C2orf66: variants seen among roughly 807,000 people sequenced by gnomAD.
The protein encoded by C2orf66 is uncharacterized protein C2orf66.
Under a neutral mutation model 7.0 loss-of-function variants are expected in C2orf66, and 6 were observed. The observed-to-expected ratio is 0.86, with a 90% CI of 0.47 to 1.69. The LOEUF (loss-of-function observed/expected upper bound fraction) is 1.69, where lower values mean the gene tolerates loss of function less well. Ranked by LOEUF, C2orf66 falls within the 40% of genes most tolerant of loss-of-function variation. C2orf66 has a pLI of 0.01. For synonymous variants in C2orf66, 38 were observed against 43.8 expected, an observed-to-expected ratio of 0.87 and a Z score of 0.52; for missense variants, 107 against 112.0, an observed-to-expected ratio of 0.96 and a Z score of 0.20.
upstream of C2orf66, chr2:196,810,060 A>G (rs1318810614): frequency 6.6e-6 from 1 of 152,228 alleles, no homozygotes; most frequent in Non-Finnish European, 1.5e-5. Flanking sequence ...TTTTTCATCC[A>G]GAACACAAAG....
chr2:196,831,649 C>A, the C2orf66 span, among the ~76,000 whole-genome samples: 2 of 152,148 alleles, frequency 1.3e-5, no homozygotes, highest in Non-Finnish European at 2.9e-5. Context: ...GAAAGTGAGA[C>A]TTTTAATAAT....
At chr2:196,811,272 A>G (rs563742400), upstream of C2orf66, among the ~76,000 whole-genome samples, 36 of 152,380 alleles carry the variant, frequency 2.4e-4, 1 homozygote, top group South Asian at 7.5e-3. Flanking sequence ...GGTTTTAGGC[A>G]TCAAAGAAGC....
upstream of C2orf66, among the ~76,000 whole-genome samples, chr2:196,811,776 G>A (rs1388829948): frequency 1.3e-5 from 2 of 152,076 alleles, no homozygotes; most frequent in Non-Finnish European, 2.9e-5. Context: ...AAGTGAATGA[G>A]ATTACCTCAG....
chr2:196,822,612 G>A, the C2orf66 span, among the ~76,000 whole-genome samples: 1 of 151,934 alleles, frequency 6.6e-6, no homozygotes, highest in Non-Finnish European at 1.5e-5. Flanking sequence ...AGTAACTGGT[G>A]TATGTGCACA....
chr2:196,809,490 C>CT (rs1327289914), upstream of C2orf66: 10 of 1,092,700 alleles, frequency 9.2e-6, no homozygotes, highest in Non-Finnish European at 1.2e-5. Context: ...TTACAGCCAT[C>CT]TTTTTTCCAG....
At chr2:196,816,336 C>G in the C2orf66 span, among the ~76,000 whole-genome samples, 1 of 152,222 alleles carries the variant, frequency 6.6e-6, no homozygotes, top group Non-Finnish European at 1.5e-5. Context: ...TAAAAACACA[C>G]ATGACATTCT....
the C2orf66 span, among the ~76,000 whole-genome samples, chr2:196,820,521 G>C: frequency 6.6e-6 from 1 of 152,206 alleles, no homozygotes; most frequent in Admixed American, 6.5e-5. Context: ...CATACTATGT[G>C]TCAGGGCCTC....
At chr2:196,809,595 T>C (rs1008527526), upstream of C2orf66, 1 of 408,540 alleles carries the variant, frequency 2.4e-6, no homozygotes, top group Admixed American at 3.9e-5. Context: ...AAAACAATTA[T>C]GGAACATAAC....
At chr2:196,813,955 C>T (rs936212906), upstream of C2orf66, among the ~76,000 whole-genome samples, 11 of 152,232 alleles carry the variant, frequency 7.2e-5, no homozygotes, top group African/African-American at 2.4e-4. Context: ...GAAATAGGAG[C>T]GCTTTTACAC....
chr2:196,828,566 C>T, the C2orf66 span, among the ~76,000 whole-genome samples: 2 of 152,140 alleles, frequency 1.3e-5, no homozygotes, highest in Non-Finnish European at 1.5e-5. Context: ...GTTTACCTTA[C>T]ATAATACAAA....
rs76491536 is a variant in C2orf66, at chr2:196,807,620, A to G, written c.126T>C (p.Phe42=). The change falls in exon 2 of 3, where the codon TTT becomes TTC. Residue 42 remains phenylalanine, a splice_region_variant and synonymous_variant. Coordinates refer to ENST00000342506, the MANE Select transcript of C2orf66 (RefSeq NM_213608.3). The part of the protein sequence containing the change: ...PLNNPRNRDL[F]FRRLQAYFKG... ...TAAAATATGCCTGAAGCCTTCTGAA[A>G]AACTAAAGAGAGAAAGAAAATGGTC... is the stretch of plus-strand genomic sequence containing the variant. 1 of 1,604,962 alleles carries G rather than the reference A, an allele frequency of 6.2e-7. No homozygotes were observed. The highest frequency in any genetic ancestry group is 1.3e-5 in the African/African-American group (1 of 74,360).
At chr2:196,828,737 T>C in the C2orf66 span, among the ~76,000 whole-genome samples, 1 of 152,134 alleles carries the variant, frequency 6.6e-6, no homozygotes, top group Non-Finnish European at 1.5e-5. Context: ...TCTTGCTGGT[T>C]TTGAAGGAGC....
At chr2:196,817,062 A>T in the C2orf66 span, among the ~76,000 whole-genome samples, 1 of 152,100 alleles carries the variant, frequency 6.6e-6, no homozygotes, top group Non-Finnish European at 1.5e-5. Flanking sequence ...CAAAGATTAC[A>T]TGCTTCAAAG....
At chr2:196,809,163 C>A in intron 1 of C2orf66, 51 bp downstream of exon 1, 1 of 1,548,892 alleles carries the variant, frequency 6.5e-7, no homozygotes, top group Non-Finnish European at 8.8e-7. Flanking sequence ...TGCGTAAATC[C>A]AAAGAGGCAT....
the C2orf66 span, among the ~76,000 whole-genome samples, chr2:196,828,242 A>T: frequency 1.9e-4 from 28 of 145,954 alleles, no homozygotes; most frequent in East Asian, 1.6e-3. Flanking sequence ...ACACACACAC[A>T]CACACACACA....
the C2orf66 span, among the ~76,000 whole-genome samples, chr2:196,816,970 G>A: frequency 6.6e-6 from 1 of 152,162 alleles, no homozygotes; most frequent in African/African-American, 2.4e-5. Flanking sequence ...GTAGGACCAT[G>A]ATGCCCACCT....
upstream of C2orf66, chr2:196,809,513 A>G (rs1699853276): frequency 5.0e-6 from 4 of 805,054 alleles, no homozygotes; most frequent in Non-Finnish European, 7.8e-6. Flanking sequence ...TGACTTCTAA[A>G]TGAGGACCCC....
upstream of C2orf66, chr2:196,809,965 GCAATT>G (rs1235597648): frequency 1.3e-5 from 2 of 152,176 alleles, no homozygotes; most frequent in Non-Finnish European, 2.9e-5. Context: ...AATTGGCAAG[GCAATT>G]CATGGGTACT....
intron 2 of C2orf66, among the ~76,000 whole-genome samples, chr2:196,806,627 G>C (rs1229724698): frequency 6.6e-6 from 1 of 151,542 alleles, no homozygotes; most frequent in African/African-American, 2.4e-5. Context: ...GAGGCAGGTG[G>C]ATCACGAGGT....
Sources: gnomAD v4.1 joint callset for allele counts (sites outside exome capture counted in the v4.1 genomes callset) on GRCh38, gnomAD v4.1.1 for gene constraint, MANE v1.5 for transcripts, NCBI Gene and HGNC (gene_info 2026-07-23, HGNC 2026-07-21) for gene names.